The following DLGAP2 variants were observed in gnomAD, a reference collection of about 807,000 sequenced individuals.
The protein encoded by DLGAP2 is DLG associated protein 2, also known as disks large-associated protein 2.
DLGAP2 carries 26 observed loss-of-function variants against 100.3 expected under a neutral mutation model. The ratio of observed to expected loss-of-function variants is 0.26; its 90% CI spans 0.19 to 0.36. The LOEUF (loss-of-function observed/expected upper bound fraction) is 0.36. Among genes scored for constraint, DLGAP2 ranks in the 10% least tolerant of loss-of-function variants. The probability of loss-of-function intolerance (pLI) is 1.00; values close to 1 mark genes in which losing one functional copy is unlikely to be tolerated. For synonymous variants in DLGAP2, 886 were observed against 630.1 expected (o/e 1.41, Z -6.08); for missense variants, 1,858 against 1,453.2 (o/e 1.28, Z -4.53).
At chr8:1,135,260 G>T (rs77088670) in intron 2 of DLGAP2, among the ~76,000 whole-genome samples, 11,705 of 152,110 alleles carry the variant, frequency 0.077, 517 homozygotes, top group East Asian at 0.18. Context: ...TATTTTCCAA[G>T]CTGCCTAAGG....
intron 3 of DLGAP2, among the ~76,000 whole-genome samples, chr8:1,456,026 C>T (rs1798301090): frequency 6.6e-6 from 1 of 152,208 alleles, no homozygotes; most frequent in South Asian, 2.1e-4. Flanking sequence ...AGCCCGATGG[C>T]CGCTCGCTGA....
chr8:876,142 T>C (rs552951292), intron 1 of DLGAP2, among the ~76,000 whole-genome samples: 1 of 152,344 alleles, frequency 6.6e-6, no homozygotes, highest in Non-Finnish European at 1.5e-5. Flanking sequence ...TATTATTTTA[T>C]ACAATTTTAT....
intron 3 of DLGAP2, chr8:1,381,437 T>A (rs1796092501): frequency 6.6e-6 from 1 of 152,266 alleles, no homozygotes; most frequent in Admixed American, 6.5e-5. Flanking sequence ...GACATGATGA[T>A]TTGATGTCTG....
At chr8:1,364,135 C>G (rs1052747243) in intron 3 of DLGAP2, among the ~76,000 whole-genome samples, 1 of 152,206 alleles carries the variant, frequency 6.6e-6, no homozygotes, top group Non-Finnish European at 1.5e-5. Flanking sequence ...CCCTCCTGAG[C>G]CCGTCTCCCG....
chr8:1,646,815 C>T (rs767549387), intron 8 of DLGAP2, among the ~76,000 whole-genome samples: 5 of 144,668 alleles, frequency 3.5e-5, no homozygotes, highest in African/African-American at 7.3e-5. Context: ...AGAGGGCAAA[C>T]GGATCAAAAT....
chr8:1,441,451 A>C (rs1797829763), intron 3 of DLGAP2, among the ~76,000 whole-genome samples: 1 of 152,072 alleles, frequency 6.6e-6, no homozygotes, highest in Non-Finnish European at 1.5e-5. Flanking sequence ...GCACTTTGGG[A>C]GGCCGAGGTG....
chr8:1,264,835 G>T (rs1388048573), intron 3 of DLGAP2, among the ~76,000 whole-genome samples: 4 of 152,186 alleles, frequency 2.6e-5, no homozygotes, highest in Admixed American at 6.5e-5. Flanking sequence ...GAGGGACCCA[G>T]TGGGAGGTAA....
chr8:1,380,586 G>C, intron 3 of DLGAP2, among the ~76,000 whole-genome samples: 1 of 152,112 alleles, frequency 6.6e-6, no homozygotes, highest in East Asian at 1.9e-4. Flanking sequence ...GTGAATTAAA[G>C]TCCACATGAA....
intron 4 of DLGAP2, among the ~76,000 whole-genome samples, chr8:1,530,448 C>T (rs535769154): frequency 3.6e-4 from 55 of 152,332 alleles, no homozygotes; most frequent in African/African-American, 1.3e-3. Context: ...AGGGTGCCCA[C>T]ATTTCATATT....
chr8:1,030,769 T>C (rs1801948956), intron 2 of DLGAP2, among the ~76,000 whole-genome samples: 2 of 152,270 alleles, frequency 1.3e-5, no homozygotes, highest in African/African-American at 2.4e-5. Context: ...ACCCAGGTTA[T>C]TGAGGTTTTG....
rs554660240 is a variant in DLGAP2 at position 1,367,405 on chromosome 8, C to G, written c.106+108522C>G. Among the ~76,000 whole-genome samples the G allele has an allele frequency of 7.5e-4, 114 of 152,354 alleles. 1 individual carries two copies. Among genetic ancestry groups the G allele is most frequent in the African/African-American group, 2.6e-3 (110 of 41,580 alleles). On this transcript the variant is annotated intron_variant, in intron 3 of 14. Transcript: ENST00000637795. ...CTCTCTGGGAAAATCCACAGACCAACTAGCACACAAAAATTAGCACACACT... is the reference window on the plus strand; with the variant it reads ...CTCTCTGGGAAAATCCACAGACCAAGTAGCACACAAAAATTAGCACACACT...
At chr8:944,355 C>A (rs912063256) in intron 2 of DLGAP2, among the ~76,000 whole-genome samples, 2 of 151,768 alleles carry the variant, frequency 1.3e-5, no homozygotes, top group Non-Finnish European at 2.9e-5. Context: ...GATAACTAAT[C>A]CCTGTGAGTG....
At chr8:1,665,478 AACCAATTTGGCGTGTTTAATATC>A (rs1213161095) in intron 8 of DLGAP2, among the ~76,000 whole-genome samples, 1 of 152,240 alleles carries the variant, frequency 6.6e-6, no homozygotes, top group Admixed American at 6.5e-5. Flanking sequence ...GGGAAAATCC[AACCAATTTGGCGTGTTTAATATC>A]ACCTTTCTGC....
intron 2 of DLGAP2, among the ~76,000 whole-genome samples, chr8:1,105,343 G>T (rs2129044525): frequency 6.6e-6 from 1 of 152,310 alleles, no homozygotes; most frequent in South Asian, 2.1e-4. Flanking sequence ...TCATGTTGTG[G>T]GGATTAACCT....
At chr8:1,199,747 T>C (rs762147424) in intron 2 of DLGAP2, among the ~76,000 whole-genome samples, 7 of 152,164 alleles carry the variant, frequency 4.6e-5, no homozygotes, top group African/African-American at 1.7e-4. Context: ...TAGGACACTT[T>C]AGCATGAGAG....
intron 1 of DLGAP2, among the ~76,000 whole-genome samples, chr8:771,268 TA>T: frequency 6.6e-6 from 1 of 152,322 alleles, no homozygotes; most frequent in Non-Finnish European, 1.5e-5. Flanking sequence ...AACTAAGAGA[TA>T]TGAGTTTTAA....
chr8:1,675,245 T>C (rs1367499402), intron 10 of DLGAP2, among the ~76,000 whole-genome samples: 2 of 152,198 alleles, frequency 1.3e-5, no homozygotes, highest in Non-Finnish European at 2.9e-5. Flanking sequence ...TCGCGCTCTG[T>C]CTTCTGTGCG....
In DLGAP2 at chr8:1,529,857, G is replaced by A. The variant is rs867364929; in HGVS notation, c.173-18769G>A. 3.3e-4 allele frequency among the ~76,000 whole-genome samples: 50 copies of A among 152,274 alleles called. 1 individual carries two copies. The highest frequency in any genetic ancestry group is 3.4e-3 in the Middle Eastern group (1 of 294). Reference sequence around the variant, plus strand: ...CCGGGGAGACATCACATGTCGGTACGTTCCATGATGCCCCACAAGCCACAA... The same window carrying A: ...CCGGGGAGACATCACATGTCGGTACATTCCATGATGCCCCACAAGCCACAA... On this transcript the variant is annotated intron_variant, in intron 4 of 14. Transcript: ENST00000637795.
intron 4 of DLGAP2, among the ~76,000 whole-genome samples, chr8:1,521,221 A>T (rs1384143118): frequency 1.7e-4 from 15 of 86,642 alleles, no homozygotes; most frequent in Admixed American, 4.2e-4. Flanking sequence ...GGCAGGTGAT[A>T]TGGGGCATCT....
Sources: allele counts gnomAD v4.1 joint callset (sites outside exome capture counted in the v4.1 genomes callset), GRCh38; gene constraint gnomAD v4.1.1; transcripts MANE v1.5; gene names NCBI Gene and HGNC (gene_info 2026-07-23, HGNC 2026-07-21).